The following GABRG3 variants were observed in gnomAD, a reference collection of about 807,000 sequenced individuals.
GABRG3 encodes the protein gamma-aminobutyric acid receptor subunit gamma-3.
A neutral mutation model predicts 48.8 loss-of-function variants in GABRG3; 25 were observed. The ratio of observed to expected loss-of-function variants is 0.51; its 90% CI spans 0.37 to 0.72. The LOEUF (loss-of-function observed/expected upper bound fraction) is 0.72. Ranked by LOEUF, GABRG3 falls within the 30% of genes least tolerant of loss-of-function variation. The pLI is 0.00. For missense variants in GABRG3, 394 were observed against 577.9 expected (o/e 0.68, Z 3.26); for synonymous variants, 227 against 217.6 (o/e 1.04, Z -0.38).
At chr15:27,073,065 G>A (rs1477556938) in intron 3 of GABRG3, among the ~76,000 whole-genome samples, 1 of 152,224 alleles carries the variant, frequency 6.6e-6, no homozygotes, top group Admixed American at 6.5e-5. Context: ...CCGGATACCT[G>A]AGCAGTCTGT....
chr15:27,213,829 G>T (rs1271405168), intron 3 of GABRG3, among the ~76,000 whole-genome samples: 15 of 152,178 alleles, frequency 9.9e-5, no homozygotes, highest in Non-Finnish European at 5.9e-5. Flanking sequence ...CACATATTCA[G>T]CTCCACACTT....
chr15:27,327,105 AC>A, intron 4 of GABRG3, 76 bp downstream of exon 4: 2 of 1,283,060 alleles, frequency 1.6e-6, no homozygotes, highest in African/African-American at 1.5e-5. Context: ...TAGGAATGAG[AC>A]CCTATTTTCA....
At chr15:27,211,073 G>C in intron 3 of GABRG3, among the ~76,000 whole-genome samples, 1 of 152,156 alleles carries the variant, frequency 6.6e-6, no homozygotes, top group East Asian at 1.9e-4. Flanking sequence ...GGAGCTAGAG[G>C]TAGAAAAAGA....
At chr15:27,259,684 A>G (rs1890717013) in intron 3 of GABRG3, among the ~76,000 whole-genome samples, 1 of 152,140 alleles carries the variant, frequency 6.6e-6, no homozygotes, top group Non-Finnish European at 1.5e-5. Context: ...CACTTAGCAG[A>G]TAGAGAGGGA....
chr15:27,450,091 C>G (rs1889063344), intron 5 of GABRG3, among the ~76,000 whole-genome samples: 1 of 152,202 alleles, frequency 6.6e-6, no homozygotes, highest in Admixed American at 6.5e-5. Flanking sequence ...ACTGCCCGCT[C>G]CACAAGAGCA....
At chr15:27,057,186 A>C (rs1217668397) in intron 3 of GABRG3, among the ~76,000 whole-genome samples, 2 of 152,018 alleles carry the variant, frequency 1.3e-5, no homozygotes, top group Non-Finnish European at 2.9e-5. Flanking sequence ...GGTTTTTTCC[A>C]AGGGTGGATC....
chr15:27,463,686 G>T (rs1889517825), intron 5 of GABRG3, among the ~76,000 whole-genome samples: 1 of 152,204 alleles, frequency 6.6e-6, no homozygotes, highest in African/African-American at 2.4e-5. Flanking sequence ...GAGCTCAGAA[G>T]TGTGTGCATT....
At chr15:27,471,072 G>C (rs1219254319) in intron 5 of GABRG3, among the ~76,000 whole-genome samples, 1 of 152,112 alleles carries the variant, frequency 6.6e-6, no homozygotes, top group Non-Finnish European at 1.5e-5. Flanking sequence ...AGCTGAACAA[G>C]AGACCAGAGT....
chr15:27,257,091 A>G (rs936419689), intron 3 of GABRG3, among the ~76,000 whole-genome samples: 3 of 152,086 alleles, frequency 2.0e-5, no homozygotes, highest in Non-Finnish European at 4.4e-5. Context: ...ATCTTTTGTC[A>G]TTTTGATCAT....
intron 3 of GABRG3, among the ~76,000 whole-genome samples, chr15:27,280,869 T>C (rs1250333719): frequency 6.6e-6 from 1 of 152,182 alleles, no homozygotes; most frequent in Non-Finnish European, 1.5e-5. Flanking sequence ...AACCCTTTTA[T>C]ATTCTCACTC....
rs114110629 is a variant in GABRG3, at chr15:27,367,417, G to A, written c.574+38529G>A. Among the ~76,000 whole-genome samples, 328 of 152,304 alleles carry A rather than the reference G, an allele frequency of 2.2e-3. 2 individuals are homozygous for A. The highest frequency in any genetic ancestry group is 7.6e-3 in the African/African-American group (315 of 41,556). On this transcript the variant is annotated intron_variant, in intron 5 of 9. Coordinates refer to ENST00000615808, the MANE Select transcript of GABRG3 (RefSeq NM_033223.5). ...TGTCCAAAAGCAAAAAATAGTAGCT[G>A]CATTATTCAAAACAATTGACTAATT...
chr15:27,288,773 A>G (rs1891704057), intron 3 of GABRG3, among the ~76,000 whole-genome samples: 1 of 152,030 alleles, frequency 6.6e-6, no homozygotes, highest in Non-Finnish European at 1.5e-5. Flanking sequence ...TTATTTATCC[A>G]GTTATGTACC....
chr15:27,204,023 T>C (rs1338211847), intron 3 of GABRG3, among the ~76,000 whole-genome samples: 2 of 152,162 alleles, frequency 1.3e-5, no homozygotes, highest in Non-Finnish European at 2.9e-5. Context: ...CTGTTGACAG[T>C]TTCTTTTGCT....
At chr15:27,496,073 T>C (rs1377362975) in intron 6 of GABRG3, among the ~76,000 whole-genome samples, 2 of 152,166 alleles carry the variant, frequency 1.3e-5, no homozygotes, top group Non-Finnish European at 2.9e-5. Flanking sequence ...TTGGTCTTTC[T>C]GGGCAGAGGT....
At chr15:27,128,953 CT>C (rs1297896726) in intron 3 of GABRG3, among the ~76,000 whole-genome samples, 13 of 152,094 alleles carry the variant, frequency 8.5e-5, no homozygotes, top group Non-Finnish European at 4.4e-5. Flanking sequence ...TTTATATCTA[CT>C]TTTAAGTTCT....
At chr15:27,005,070 T>G (rs997782536) in intron 2 of GABRG3, among the ~76,000 whole-genome samples, 2 of 152,246 alleles carry the variant, frequency 1.3e-5, no homozygotes, top group African/African-American at 4.8e-5. Flanking sequence ...TATTTTATTT[T>G]TCTGTAAGTT....
At chr15:27,226,640 C>T (rs907249914) in intron 3 of GABRG3, among the ~76,000 whole-genome samples, 11 of 152,244 alleles carry the variant, frequency 7.2e-5, no homozygotes, top group South Asian at 2.1e-4. Flanking sequence ...CCCCAGCAAA[C>T]GGGCACTATG....
At chr15:27,518,271 G>A (rs1210212444) in intron 6 of GABRG3, among the ~76,000 whole-genome samples, 2 of 151,168 alleles carry the variant, frequency 1.3e-5, no homozygotes, top group Non-Finnish European at 1.5e-5. Flanking sequence ...TGAAAGGCTG[G>A]GGCAAGAGAA....
At chr15:27,226,820 A>G (rs1228477770) in intron 3 of GABRG3, among the ~76,000 whole-genome samples, 1 of 152,196 alleles carries the variant, frequency 6.6e-6, no homozygotes, top group Non-Finnish European at 1.5e-5. Flanking sequence ...GGCCATAGCC[A>G]GCATCTTATC....
Sources: allele counts gnomAD v4.1 joint callset (sites outside exome capture counted in the v4.1 genomes callset), GRCh38; gene constraint gnomAD v4.1.1; transcripts MANE v1.5; gene names NCBI Gene and HGNC (gene_info 2026-07-23, HGNC 2026-07-21).